The following SPATA17 variants were observed in gnomAD, a reference collection of about 807,000 sequenced individuals.
SPATA17 encodes spermatogenesis-associated protein 17.
Under a neutral mutation model 62.2 loss-of-function variants are expected in SPATA17, and 53 were observed. That is an observed-to-expected ratio of 0.85 (90% CI 0.68 to 1.07). The LOEUF (loss-of-function observed/expected upper bound fraction) is 1.07, where lower values mean the gene tolerates loss of function less well. SPATA17 is among the 50% of genes least tolerant of loss of function. SPATA17 has a pLI of 0.00. For missense variants in SPATA17, 466 were observed against 425.5 expected (o/e 1.10, Z -0.84); for synonymous variants, 146 against 146.8 (o/e 0.99, Z 0.04).
chr1:217,653,088 A>G (rs1670362450), intron 3 of SPATA17, among the ~76,000 whole-genome samples: 1 of 152,198 alleles, frequency 6.6e-6, no homozygotes, highest in Non-Finnish European at 1.5e-5. Flanking sequence ...GATTAGCTCC[A>G]TTTTACATTT....
At chr1:217,847,488 T>A (rs1675554818) in intron 9 of SPATA17, among the ~76,000 whole-genome samples, 1 of 152,122 alleles carries the variant, frequency 6.6e-6, no homozygotes, top group South Asian at 2.1e-4. Context: ...TTTAGAATAA[T>A]TTTGGTTGAA....
rs186236063 is a variant in SPATA17, at chr1:217,815,690, G to C, written c.1005+13840G>C. On this transcript the variant is annotated intron_variant, in intron 9 of 10. Coordinates refer to ENST00000366933, the MANE Select transcript of SPATA17 (RefSeq NM_138796.4). ...AAAGCAGATTATCCTCCATAATGTG[G>C]GTGGGTCTCATTCAATAAGTTAGTG... 1.1e-3 allele frequency among the ~76,000 whole-genome samples: 173 copies of C among 152,194 alleles called. 1 individual carries two copies. The highest frequency in any genetic ancestry group is 4.1e-3 in the African/African-American group (172 of 41,538).
chr1:217,641,906 G>C (rs749887167), intron 1 of SPATA17, among the ~76,000 whole-genome samples: 1 of 152,152 alleles, frequency 6.6e-6, no homozygotes, highest in Non-Finnish European at 1.5e-5. Flanking sequence ...AAAGGATCCT[G>C]TTTGTCTTGT....
intron 9 of SPATA17, among the ~76,000 whole-genome samples, chr1:217,832,015 T>A (rs17046900): frequency 0.19 from 28,914 of 152,142 alleles, 2,999 homozygotes; most frequent in Middle Eastern, 0.25. Flanking sequence ...CCTGTTTGAA[T>A]CTGAAGCTTC....
intron 6 of SPATA17, among the ~76,000 whole-genome samples, chr1:217,745,256 T>A (rs1006355034): frequency 2.6e-5 from 4 of 152,178 alleles, no homozygotes; most frequent in Admixed American, 1.3e-4. Context: ...ATCATAGTGA[T>A]CTTAATATTT....
At chr1:217,747,291 T>A (rs1225446151) in intron 6 of SPATA17, among the ~76,000 whole-genome samples, 1 of 152,186 alleles carries the variant, frequency 6.6e-6, no homozygotes, top group South Asian at 2.1e-4. Context: ...ATTTGCAGAT[T>A]TGTTTTATTC....
chr1:217,711,728 A>G (rs1671870243), intron 5 of SPATA17, among the ~76,000 whole-genome samples: 1 of 152,252 alleles, frequency 6.6e-6, no homozygotes, highest in South Asian at 2.1e-4. Context: ...AGTGAAGAAC[A>G]CTGTTAGTCC....
At chr1:217,638,279 G>T (rs1366923383) in intron 1 of SPATA17, among the ~76,000 whole-genome samples, 1 of 151,546 alleles carries the variant, frequency 6.6e-6, no homozygotes, top group Non-Finnish European at 1.5e-5. Flanking sequence ...ATAAAGTTCT[G>T]CAGTGTTTGT....
At chr1:217,782,824 T>TG (rs869131743) in intron 8 of SPATA17, among the ~76,000 whole-genome samples, 1 of 9,180 alleles carries the variant, frequency 1.1e-4, no homozygotes, top group Non-Finnish European at 4.0e-4. Flanking sequence ...TAATTTTAAA[T>TG]TTTTTTTAGC....
At chr1:217,776,851 C>T (rs1673607142) in intron 7 of SPATA17, among the ~76,000 whole-genome samples, 1 of 152,024 alleles carries the variant, frequency 6.6e-6, no homozygotes, top group Non-Finnish European at 1.5e-5. Flanking sequence ...AGAGCTGCCT[C>T]ACAACATGGT....
At chr1:217,796,057 C>T (rs971785864) in intron 8 of SPATA17, among the ~76,000 whole-genome samples, 1 of 152,132 alleles carries the variant, frequency 6.6e-6, no homozygotes, top group Admixed American at 6.5e-5. Context: ...CTTGGCCTCC[C>T]AAAGTGCTAA....
rs145300286 is a variant in SPATA17 at position 217,682,971 on chromosome 1, A to T, written c.292-287A>T. ...GAAGTGGAAATGGTAGGAATTTGTA[A>T]AGCAAATTTTTATAAATCTTTCAAT... On this transcript the variant is annotated intron_variant, in intron 4 of 10. Coordinates refer to ENST00000366933, the MANE Select transcript of SPATA17 (RefSeq NM_138796.4). Among the ~76,000 whole-genome samples, 881 of 152,170 alleles carry T rather than the reference A, an allele frequency of 5.8e-3. 13 individuals carry two copies. The highest frequency in any genetic ancestry group is 0.054 in the Middle Eastern group (16 of 294).
intron 8 of SPATA17, among the ~76,000 whole-genome samples, chr1:217,800,688 T>A (rs751249535): frequency 1.3e-5 from 2 of 152,204 alleles, no homozygotes; most frequent in Non-Finnish European, 2.9e-5. Context: ...TGTTTCTCTT[T>A]GACATCTCAT....
intron 6 of SPATA17, among the ~76,000 whole-genome samples, chr1:217,749,522 CCA>C (rs993029601): frequency 1.3e-5 from 2 of 151,874 alleles, no homozygotes; most frequent in African/African-American, 4.8e-5. Context: ...TAAACTATCC[CCA>C]GTTATCCAGG....
chr1:217,757,084 C>T (rs1673061777), intron 6 of SPATA17, among the ~76,000 whole-genome samples: 1 of 152,062 alleles, frequency 6.6e-6, no homozygotes, highest in Non-Finnish European at 1.5e-5. Flanking sequence ...CCATCTGAGA[C>T]ATTAATATAG....
intron 6 of SPATA17, among the ~76,000 whole-genome samples, chr1:217,773,837 T>C (rs147141684): frequency 9.8e-5 from 15 of 152,306 alleles, no homozygotes; most frequent in African/African-American, 3.1e-4. Flanking sequence ...AAAGTCAAGA[T>C]AGTTGCCCTT....
At chr1:217,733,024 A>G (rs1161585122) in intron 5 of SPATA17, among the ~76,000 whole-genome samples, 1 of 152,166 alleles carries the variant, frequency 6.6e-6, no homozygotes, top group Non-Finnish European at 1.5e-5. Flanking sequence ...AGAAAAAAAA[A>G]TGATTTTCAT....
At chr1:217,844,050 A>G (rs1054178428) in intron 9 of SPATA17, among the ~76,000 whole-genome samples, 12 of 152,170 alleles carry the variant, frequency 7.9e-5, no homozygotes, top group African/African-American at 2.7e-4. Flanking sequence ...CACCAAAAGA[A>G]CTATTCAAGC....
chr1:217,727,251 AAT>A (rs529686515), intron 5 of SPATA17, among the ~76,000 whole-genome samples: 11,272 of 135,046 alleles, frequency 0.083, 649 homozygotes, highest in African/African-American at 0.16. Flanking sequence ...CCGTCTCAAT[AAT>A]AATAATAATA....
Sources: gnomAD v4.1 joint callset for allele counts (sites outside exome capture counted in the v4.1 genomes callset) on GRCh38, gnomAD v4.1.1 for gene constraint, MANE v1.5 for transcripts, NCBI Gene and HGNC (gene_info 2026-07-23, HGNC 2026-07-21) for gene names.